Variants in GABPB2 observed in about 807,000 individuals in gnomAD.
GABPB2 encodes the protein GA binding protein transcription factor subunit beta 2.
A neutral mutation model predicts 39.1 loss-of-function variants in GABPB2; 23 were observed. The observed-to-expected ratio is 0.59, with a 90% CI of 0.42 to 0.83. The LOEUF (loss-of-function observed/expected upper bound fraction) is 0.83. GABPB2 is among the 40% of genes least tolerant of loss of function. The pLI is 0.00. For synonymous variants in GABPB2, 184 were observed against 199.3 expected, an observed-to-expected ratio of 0.92 and a Z score of 0.65; for missense variants, 467 against 541.1, an observed-to-expected ratio of 0.86 and a Z score of 1.36.
chr1:151,105,220 A>G (rs918221589), intron 6 of GABPB2, among the ~76,000 whole-genome samples: 1 of 151,928 alleles, frequency 6.6e-6, no homozygotes. Flanking sequence ...GACACTTTAG[A>G]TAGAGACATT....
At chr1:151,114,108 G>A (rs1680670243) in intron 7 of GABPB2, among the ~76,000 whole-genome samples, 1 of 151,914 alleles carries the variant, frequency 6.6e-6, no homozygotes, top group Non-Finnish European at 1.5e-5. Flanking sequence ...CACTTTGGGA[G>A]GACTACGCCG....
intron 1 of GABPB2, among the ~76,000 whole-genome samples, chr1:151,082,211 G>T (rs1250208240): frequency 1.3e-5 from 2 of 150,526 alleles, no homozygotes; most frequent in Non-Finnish European, 3.0e-5. Flanking sequence ...CAAGTAACTG[G>T]GACTACAGGC....
At chr1:151,080,243 A>T (rs1260442800) in intron 1 of GABPB2, among the ~76,000 whole-genome samples, 2 of 148,072 alleles carry the variant, frequency 1.4e-5, no homozygotes, top group Non-Finnish European at 3.0e-5. Context: ...AAAAAAAAAA[A>T]ACAATAATTA....
chr1:151,105,177 A>C (rs1679861254), intron 6 of GABPB2, among the ~76,000 whole-genome samples: 2 of 152,026 alleles, frequency 1.3e-5, no homozygotes, highest in South Asian at 4.1e-4. Context: ...AAGTGCTGGG[A>C]TTACAGGTGT....
At chr1:151,083,795 G>A (rs1425198837) in intron 1 of GABPB2, among the ~76,000 whole-genome samples, 1 of 150,900 alleles carries the variant, frequency 6.6e-6, no homozygotes, top group African/African-American at 2.4e-5. Context: ...AGATTGAAGT[G>A]CCTTGGTGCA....
At chr1:151,088,123 A>G in intron 1 of GABPB2, 67 bp from the exon 2 acceptor site, 1 of 1,105,016 alleles carries the variant, frequency 9.0e-7, no homozygotes, top group African/African-American at 1.6e-5. Context: ...CTTCTAAAAA[A>G]TGTATTGGCG....
At chr1:151,090,091 C>G (rs180958975) in intron 2 of GABPB2, among the ~76,000 whole-genome samples, 1 of 152,074 alleles carries the variant, frequency 6.6e-6, no homozygotes, top group Admixed American at 6.6e-5. Context: ...AGGTGCCCAC[C>G]ACCACGCCTG....
intron 7 of GABPB2, among the ~76,000 whole-genome samples, chr1:151,117,043 A>G (rs1680932000): frequency 6.6e-6 from 1 of 152,180 alleles, no homozygotes; most frequent in Admixed American, 6.5e-5. Flanking sequence ...TTTTTGAGCC[A>G]TTCTCAGTGC....
rs373601137 is a variant in GABPB2 at position 151,089,016 on chromosome 1, GT to G, written c.108+723del. Among the ~76,000 whole-genome samples the G allele has an allele frequency of 5.7e-4, 86 of 152,020 alleles. 1 individual carries two copies. The highest frequency in any genetic ancestry group is 1.8e-3 in the African/African-American group (75 of 41,510). ...AAAAAAAAAAAGAAGTCATCTAGCT[GT>G]TTTGTTTCCTTTACCACTGTTCAAA... is the stretch of plus-strand genomic sequence containing the variant. On this transcript the variant is annotated intron_variant, in intron 2 of 8. Transcript: ENST00000368918.
chr1:151,118,150 T>C lies in GABPB2; in HGVS notation c.1241T>C (p.Val414Ala). 2 of 1,614,078 alleles carry C rather than the reference T, an allele frequency of 1.2e-6. No individual in the cohort carries two copies. The highest frequency in any genetic ancestry group is 1.7e-6 in the Non-Finnish European group (2 of 1,180,020). ...GAAGAGGTGGCTGAGGTAGATGCTG[T>C]AGTAGTCACAGAGGGGGAGTTGGAA... is the stretch of plus-strand genomic sequence containing the variant. Reference protein sequence around the residue: ...MVEEVAEVDAVVVTEGELEER... With the variant: ...MVEEVAEVDAAVVTEGELEER... The change falls in exon 9 of 9, where the codon GTA becomes GCA. Residue 414 changes from valine to alanine, a missense_variant. By Grantham distance (64) the Val-to-Ala change is moderately conservative (BLOSUM62 0). Transcript: ENST00000368918.
At chr1:151,100,776 C>T (rs1255404676) in intron 5 of GABPB2, among the ~76,000 whole-genome samples, 2 of 147,086 alleles carry the variant, frequency 1.4e-5, no homozygotes, top group African/African-American at 5.0e-5. Flanking sequence ...TTAGAAGAGA[C>T]GGGGTTTCAC....
intron 6 of GABPB2, among the ~76,000 whole-genome samples, 194 bp downstream of exon 6, chr1:151,103,869 CAG>C (rs1679733729): frequency 6.6e-6 from 1 of 152,166 alleles, no homozygotes; most frequent in South Asian, 2.1e-4. Context: ...TGAATAATAT[CAG>C]AGAATGACTG....
intron 1 of GABPB2, among the ~76,000 whole-genome samples, chr1:151,075,026 C>T (rs1178315427): frequency 6.6e-6 from 1 of 152,020 alleles, no homozygotes; most frequent in Non-Finnish European, 1.5e-5. Flanking sequence ...CCTGTAATTC[C>T]AGCTACTCGG....
chr1:151,077,501 C>T (rs1162329448), intron 1 of GABPB2, among the ~76,000 whole-genome samples: 1 of 151,846 alleles, frequency 6.6e-6, no homozygotes, highest in Non-Finnish European at 1.5e-5. Context: ...GGACTACAGG[C>T]ATGCAACACC....
chr1:151,105,201 T>C (rs78022595), intron 6 of GABPB2, among the ~76,000 whole-genome samples: 3,704 of 151,652 alleles, frequency 0.024, 103 homozygotes, highest in African/African-American at 0.074. Flanking sequence ...CCACCGCGCC[T>C]GGCCCTGTGA....
intron 7 of GABPB2, among the ~76,000 whole-genome samples, chr1:151,110,278 T>C (rs1680317507): frequency 6.6e-6 from 1 of 151,950 alleles, no homozygotes; most frequent in Non-Finnish European, 1.5e-5. Flanking sequence ...ATTAAACTTA[T>C]TATAATCCAA....
intron 5 of GABPB2, among the ~76,000 whole-genome samples, chr1:151,099,232 G>A (rs1038813859): frequency 6.6e-6 from 1 of 151,358 alleles, no homozygotes; most frequent in African/African-American, 2.4e-5. Flanking sequence ...GAGTCTCGCT[G>A]TGTTTCCCAG....
intron 1 of GABPB2, among the ~76,000 whole-genome samples, chr1:151,073,351 A>G (rs919965357): frequency 1.3e-5 from 2 of 152,124 alleles, no homozygotes; most frequent in African/African-American, 4.8e-5. Context: ...TTGTTTCCTC[A>G]GTTTATGTAT....
intron 1 of GABPB2, among the ~76,000 whole-genome samples, chr1:151,080,223 A>AC (rs1357297058): frequency 0.016 from 2,186 of 140,760 alleles, 76 homozygotes; most frequent in South Asian, 0.028. Flanking sequence ...CTCAAAAAAA[A>AC]AAAAAAAAAA....
Sources: gnomAD v4.1 joint callset for allele counts (sites outside exome capture counted in the v4.1 genomes callset) on GRCh38, gnomAD v4.1.1 for gene constraint, MANE v1.5 for transcripts, NCBI Gene and HGNC (gene_info 2026-07-23, HGNC 2026-07-21) for gene names.